The following ADAM10 variants were observed in gnomAD, a reference collection of about 807,000 sequenced individuals.
The protein encoded by ADAM10 is ADAM metallopeptidase domain 10, also known as disintegrin and metalloproteinase domain-containing protein 10.
In ADAM10, 17 loss-of-function variants were observed where a neutral mutation model predicts 90.1. That is an observed-to-expected ratio of 0.19 (90% CI 0.13 to 0.28). The LOEUF (loss-of-function observed/expected upper bound fraction) is 0.28, where lower values mean the gene tolerates loss of function less well. Ranked by LOEUF, ADAM10 falls within the 10% of genes least tolerant of loss-of-function variation. The pLI is 1.00. For synonymous variants in ADAM10, 310 were observed against 298.6 expected, an observed-to-expected ratio of 1.04 and a Z score of -0.40; for missense variants, 610 against 914.3, an observed-to-expected ratio of 0.67 and a Z score of 4.29.
At position 58,717,589 on chromosome 15, in the gene ADAM10, T is replaced by C. The variant is rs1898704698; in HGVS notation, c.194A>G (p.His65Arg). Residue 65 changes from histidine (H) to arginine (R), a missense_variant, in exon 2 of 16, where the codon CAT (histidine) becomes CGT (arginine). Transcript: ENST00000260408. ...HEDQFLRLDF[H>R]AHGRHFNLRM... ...TAAATTTACTTACCTTCCATGGGCA[T>C]GGAAATCTAGACGTAAAAATTGGTC... The C allele has an allele frequency of 2.5e-6, 4 of 1,613,924 alleles. No homozygotes were observed. The highest frequency in any genetic ancestry group is 2.2e-5 in the East Asian group (1 of 44,828).
Position 58,611,041 on chromosome 15 carries a change from T to C in ADAM10, c.1762A>G (p.Lys588Glu). 1 of 1,614,000 alleles carries C rather than the reference T, an allele frequency of 6.2e-7. No individual in the cohort carries two copies. The highest frequency in any genetic ancestry group is 8.5e-7 in the Non-Finnish European group (1 of 1,179,904). Residue 588 changes from lysine (K) to glutamate (E), a missense_variant, in exon 13 of 16, where the codon AAA (lysine) becomes GAA (glutamate). Around this residue, in one of 4 missense-constraint regions of ADAM10, gnomAD observed 150 missense variants for 268.5 expected, o/e 0.56. Transcript: ENST00000260408. ...EECTCASSDGKDDKELCHVCC... is the reference protein window; with the variant it reads ...EECTCASSDGEDDKELCHVCC... Reference sequence around the variant, plus strand: ...ACATGGCATAATTCTTTATCATCTTTGCCATCAGAACTGGCACACGTACAC... The same window carrying C: ...ACATGGCATAATTCTTTATCATCTTCGCCATCAGAACTGGCACACGTACAC...
At chr15:58,651,422 C>A (rs1896685088) in intron 5 of ADAM10, among the ~76,000 whole-genome samples, 1 of 152,078 alleles carries the variant, frequency 6.6e-6, no homozygotes, top group Non-Finnish European at 1.5e-5. Context: ...ACTCATTGCA[C>A]CCTCTGGTAA....
intron 14 of ADAM10, among the ~76,000 whole-genome samples, chr15:58,606,837 C>T (rs562517333): frequency 2.0e-5 from 3 of 152,268 alleles, no homozygotes; most frequent in African/African-American, 7.2e-5. Context: ...TTGAGATCAC[C>T]GCTCTCGATC....
At chr15:58,692,200 G>A (rs780799201) in intron 2 of ADAM10, 9 of 564,142 alleles carry the variant, frequency 1.6e-5, no homozygotes, top group Admixed American at 7.6e-5. Flanking sequence ...AGCCTGATGA[G>A]GGATGAACAG....
intron 2 of ADAM10, chr15:58,693,077 G>A: frequency 1.3e-6 from 1 of 747,262 alleles, no homozygotes; most frequent in Non-Finnish European, 2.5e-6. Flanking sequence ...ATCAACTCCT[G>A]AAGGAAAATC....
intron 1 of ADAM10, among the ~76,000 whole-genome samples, chr15:58,743,900 G>C (rs1265707039): frequency 6.6e-6 from 1 of 152,194 alleles, no homozygotes. Context: ...AAGCCACTGT[G>C]TCTGGCCAAC....
intron 1 of ADAM10, among the ~76,000 whole-genome samples, chr15:58,738,666 A>G (rs1443608156): frequency 6.6e-6 from 1 of 152,252 alleles, no homozygotes; most frequent in Non-Finnish European, 1.5e-5. Flanking sequence ...AATTATATAC[A>G]AAGGGCTGAA....
chr15:58,659,662 A>G (rs1448652365), intron 5 of ADAM10, among the ~76,000 whole-genome samples: 5 of 152,144 alleles, frequency 3.3e-5, no homozygotes, highest in African/African-American at 9.7e-5. Context: ...CCTGTAGCTT[A>G]GTTTTCTTGT....
Position 58,711,814 on chromosome 15 carries a change from A to G in ADAM10, c.206+5763T>C, listed in dbSNP as rs1350067499. Among the ~76,000 whole-genome samples, 4 of 152,348 alleles carry G rather than the reference A, an allele frequency of 2.6e-5. No individual in the cohort carries two copies. In the East Asian group the frequency reaches 7.7e-4, roughly 29 times the overall value. On this transcript the variant is annotated intron_variant, in intron 2 of 15. Coordinates refer to ENST00000260408, the MANE Select transcript of ADAM10 (RefSeq NM_001110.4). ...TCCTACCAAAAAGATAAACTATATC[A>G]TAACAGACAATCGTTTTAAGTAAGA...
intron 1 of ADAM10, chr15:58,748,629 G>A (rs1248105415): frequency 3.4e-6 from 1 of 290,616 alleles, no homozygotes; most frequent in Non-Finnish European, 6.3e-6. Context: ...TACTCCACCT[G>A]AAAGTTTAAC....
chr15:58,743,911 A>G (rs557054892), intron 1 of ADAM10, among the ~76,000 whole-genome samples: 47 of 152,296 alleles, frequency 3.1e-4, no homozygotes, highest in African/African-American at 1.0e-3. Context: ...TCTGGCCAAC[A>G]CTTTTTCTTA....
chr15:58,599,513 T>C, intron 15 of ADAM10, 85 bp downstream of exon 15: 1 of 1,445,618 alleles, frequency 6.9e-7, no homozygotes, highest in South Asian at 1.1e-5. Context: ...GTAACATTAG[T>C]TACTACAGAC....
intron 2 of ADAM10, among the ~76,000 whole-genome samples, chr15:58,699,976 G>GAC (rs1314309502): frequency 6.6e-6 from 1 of 152,022 alleles, no homozygotes; most frequent in Non-Finnish European, 1.5e-5. Flanking sequence ...TACCTGTAAA[G>GAC]ACACACACAG....
At chr15:58,627,241 T>C (rs904339200) in intron 10 of ADAM10, among the ~76,000 whole-genome samples, 3 of 152,108 alleles carry the variant, frequency 2.0e-5, no homozygotes, top group Admixed American at 6.5e-5. Context: ...ATAAATCAGA[T>C]AGTGGTTGCC....
At chr15:58,605,687 G>A (rs1177284703) in intron 14 of ADAM10, among the ~76,000 whole-genome samples, 5 of 152,130 alleles carry the variant, frequency 3.3e-5, no homozygotes, top group Non-Finnish European at 5.9e-5. Flanking sequence ...CCAGAGACAA[G>A]GGTGTTAAGC....
chr15:58,649,838 T>C (rs868839889), intron 5 of ADAM10, among the ~76,000 whole-genome samples: 7 of 152,172 alleles, frequency 4.6e-5, no homozygotes, highest in African/African-American at 9.6e-5. Flanking sequence ...CTCTGTTACA[T>C]TGGAAAAATT....
At chr15:58,623,954 C>T (rs1215858917) in intron 10 of ADAM10, among the ~76,000 whole-genome samples, 1 of 148,248 alleles carries the variant, frequency 6.7e-6, no homozygotes, top group African/African-American at 2.5e-5. Flanking sequence ...ACATTCTGCA[C>T]TTGTATCCCG....
intron 1 of ADAM10, among the ~76,000 whole-genome samples, chr15:58,723,349 G>A (rs1018281961): frequency 1.3e-5 from 2 of 151,708 alleles, no homozygotes; most frequent in Admixed American, 6.6e-5. Context: ...ATTGGAAGGC[G>A]GAAAAAAAAT....
chr15:58,704,288 T>G (rs1169975629), intron 2 of ADAM10: 2 of 152,164 alleles, frequency 1.3e-5, no homozygotes, highest in African/African-American at 4.8e-5. Context: ...AGTAGAATAG[T>G]TGGTTGCCAG....
Sources: allele counts gnomAD v4.1 joint callset (sites outside exome capture counted in the v4.1 genomes callset), GRCh38; gene constraint gnomAD v4.1.1; regional missense constraint gnomAD v4.1.1; transcripts MANE v1.5; gene names NCBI Gene and HGNC (gene_info 2026-07-23, HGNC 2026-07-21).